ZBTB21: variants seen among roughly 807,000 people sequenced by gnomAD.
ZBTB21 encodes the protein zinc finger and BTB domain-containing protein 21.
ZBTB21 carries 10 observed loss-of-function variants against 39.8 expected under a neutral mutation model. That is an observed-to-expected ratio of 0.25 (90% CI 0.16 to 0.43). ZBTB21 has a LOEUF of 0.43. Among genes scored for constraint, ZBTB21 ranks in the 20% least tolerant of loss-of-function variants. ZBTB21 has a pLI of 1.00. For synonymous variants in ZBTB21, 551 were observed against 498.8 expected (o/e 1.10, Z -1.40); for missense variants, 1,221 against 1,296.3 (o/e 0.94, Z 0.89).
Position 41,991,559 on chromosome 21 carries a change from A to G in ZBTB21, c.2537T>C (p.Val846Ala), listed in dbSNP as rs1389372941. 3 of 1,614,230 alleles carry G rather than the reference A, an allele frequency of 1.9e-6. No individual in the cohort carries two copies. The highest frequency in any genetic ancestry group is 1.7e-6 in the Non-Finnish European group (2 of 1,180,044). ...AACTTGTTCTGAAGAATCACTGAAC[A>G]CGTTGTCGTCTTTTGTGGTGACGAT... ...NHIVTTKDDN[V>A]FSDSSEQVNF... is the part of the protein sequence containing the mutation. Residue 846 changes from valine (V) to alanine (A), a missense_variant, in exon 3 of 3, where the codon GTG becomes GCG. Around this residue, in one of 4 missense-constraint regions of ZBTB21, gnomAD observed 523 missense variants for 542.5 expected, o/e 0.96. Coordinates refer to ENST00000310826, the MANE Select transcript of ZBTB21 (RefSeq NM_001098402.2). This position sits in a 1 kb window ranked among gnomAD's most constrained non-coding sequence, Gnocchi z 4.9.
chr21:41,989,155 A>C lies in ZBTB21; in HGVS notation c.*1740T>G, dbSNP rs941493203. ...TCCATCAAATTTAAGAAAGAATAGG[A>C]AGTTAACTACTAAAATATTGTGGAA... On this transcript the variant is annotated 3_prime_UTR_variant, in exon 3 of 3. Coordinates refer to ENST00000310826, the MANE Select transcript of ZBTB21 (RefSeq NM_001098402.2). The C allele has an allele frequency of 1.3e-5, 2 of 152,164 alleles. No individual in the cohort carries two copies. Among genetic ancestry groups the C allele is most frequent in the Non-Finnish European group, 2.9e-5 (2 of 67,994 alleles). 9.4% of individuals were successfully genotyped at this position (152,164 alleles called of 1,614,324 possible). A position where few individuals can be genotyped will look rare whatever the true frequency, so the allele number is the denominator to read the frequency against.
chr21:41,992,323 C>T lies in ZBTB21; in HGVS notation c.1773G>A (p.Trp591Ter). 2 of 1,614,138 alleles carry T rather than the reference C, an allele frequency of 1.2e-6. No homozygotes were observed. Among genetic ancestry groups the T allele is most frequent in the African/African-American group, 2.7e-5 (2 of 75,022 alleles). Residue 591 changes from tryptophan (W) to a stop codon, truncating the protein, a stop_gained, in exon 3 of 3, where the codon TGG (tryptophan) becomes TGA (stop). Coordinates refer to ENST00000310826, the MANE Select transcript of ZBTB21 (RefSeq NM_001098402.2). LOFTEE classifies it high-confidence loss of function. This position sits in a 1 kb window ranked among gnomAD's most constrained non-coding sequence, Gnocchi z 4.1. ...HKRFHTNFKV[W>*]THCQTQHGIV... Reference sequence around the variant, plus strand: ...TGCCGTGTTGGGTCTGACAGTGTGTCCACACTTTGAAGTTGGTGTGAAACC... The same window carrying T: ...TGCCGTGTTGGGTCTGACAGTGTGTTCACACTTTGAAGTTGGTGTGAAACC...
chr21:42,002,867 CAGTTT>C (rs1159896762), intron 2 of ZBTB21, 25 bp downstream of exon 2: 1 of 152,166 alleles, frequency 6.6e-6, no homozygotes, highest in East Asian at 1.9e-4. Context: ...CCAGGAAAAC[CAGTTT>C]CTAAAATAGG....
intron 1 of ZBTB21, 100 bp downstream of exon 1, chr21:42,010,152 C>T (rs2065944412): frequency 5.1e-6 from 2 of 389,668 alleles, no homozygotes; most frequent in Non-Finnish European, 9.1e-6. Context: ...GAGAAATCAC[C>T]TCAGAGTTAC....
intron 2 of ZBTB21, among the ~76,000 whole-genome samples, chr21:41,996,381 G>C (rs778436152): frequency 7.9e-5 from 12 of 152,240 alleles, no homozygotes; most frequent in Non-Finnish European, 1.6e-4. Context: ...GGAGTCAAGG[G>C]AGATCATTTT....
rs879795986 is a variant in ZBTB21 at position 42,006,946 on chromosome 21, T to G, written c.-79+3306A>C. On this transcript the variant is annotated intron_variant, in intron 1 of 2. Coordinates refer to ENST00000310826, the MANE Select transcript of ZBTB21 (RefSeq NM_001098402.2). ...GCCAACCCTGCTGACACCTTGTTCT[T>G]GGACTTCTAGCTTTCAGAACTGTGG... 5.9e-5 allele frequency among the ~76,000 whole-genome samples: 9 copies of G among 152,210 alleles called. 1 individual carries two copies. The highest frequency in any genetic ancestry group is 5.2e-4 in the Admixed American group (8 of 15,286).
chr21:42,009,357 C>T (rs2065927048), intron 1 of ZBTB21: 1 of 152,274 alleles, frequency 6.6e-6, no homozygotes, highest in African/African-American at 2.4e-5. Context: ...TGAGGATGGA[C>T]TACGGGGCGT....
chr21:41,990,943 T>C lies in ZBTB21; in HGVS notation c.3153A>G (p.Thr1051=). 2 of 1,512,432 alleles carry C rather than the reference T, an allele frequency of 1.3e-6. No homozygotes were observed. The highest frequency in any genetic ancestry group is 1.4e-5 in the African/African-American group (1 of 71,700). The allele number at this position is 1,512,432 out of a possible 1,614,324, so 93.7% of individuals were successfully genotyped here. The change falls in exon 3 of 3, where the codon ACA becomes ACG. Residue 1051 remains threonine (T), a synonymous_variant. Transcript: ENST00000310826. ...TCCAAAGACTAAATGCAGTCTTGAA[T>C]GTCCTGTGGCAAAGTTTACACATAA... The part of the protein sequence containing the change: ...RQFMCKLCHR[T]FKTAFSLWSH...
At chr21:42,007,649 A>T (rs2065896155) in intron 1 of ZBTB21, among the ~76,000 whole-genome samples, 1 of 152,116 alleles carries the variant, frequency 6.6e-6, no homozygotes. Context: ...TAACACCACA[A>T]CTTCTTCAAT....
Position 41,991,793 on chromosome 21 carries a change from C to A in ZBTB21, c.2303G>T (p.Ser768Ile), listed in dbSNP as rs995504957. Residue 768 changes from serine to isoleucine, a missense_variant, in exon 3 of 3, where the codon AGC becomes ATC. Transcript: ENST00000310826. This position sits in a 1 kb window ranked among gnomAD's most constrained non-coding sequence, Gnocchi z 4.9. Reference protein sequence around the residue: ...FSPELKQEHESKCEYKKLTCL... With the variant: ...FSPELKQEHEIKCEYKKLTCL... The stretch of plus-strand genomic sequence containing the variant: ...GGTCAGCTTCTTATACTCACACTTG[C>A]TCTCGTGTTCTTGCTTCAGCTCGGG... 1.9e-6 allele frequency: 3 copies of A among 1,614,134 alleles called. No homozygotes were observed. The highest frequency in any genetic ancestry group is 1.3e-5 in the African/African-American group (1 of 74,946).
Position 41,986,967 on chromosome 21 carries a change from T to G in ZBTB21, c.*3928A>C, listed in dbSNP as rs1400348018. The G allele has an allele frequency of 1.3e-5, 2 of 152,634 alleles. No individual in the cohort carries two copies. Among genetic ancestry groups the G allele is most frequent in the Non-Finnish European group, 2.9e-5 (2 of 68,022 alleles). 9.5% of individuals were successfully genotyped at this position (152,634 alleles called of 1,614,324 possible). A position where few individuals can be genotyped will look rare whatever the true frequency, so the allele number is the denominator to read the frequency against. ...AGAAATCCTATTTTACCATGAATTTTCAGTTCGAAAAAGCTTATTCCTAAG... is the reference window on the plus strand; with the variant it reads ...AGAAATCCTATTTTACCATGAATTTGCAGTTCGAAAAAGCTTATTCCTAAG... On this transcript the variant is annotated 3_prime_UTR_variant, in exon 3 of 3. Transcript: ENST00000310826.
At chr21:41,996,458 T>C (rs1299985425) in intron 2 of ZBTB21, among the ~76,000 whole-genome samples, 3 of 152,226 alleles carry the variant, frequency 2.0e-5, no homozygotes, top group Admixed American at 2.0e-4. Context: ...GCCTCTGTTT[T>C]GGCCAATTTC....
chr21:41,991,560 C>T lies in ZBTB21; in HGVS notation c.2536G>A (p.Val846Met), dbSNP rs868401998. The T allele has an allele frequency of 2.5e-6, 4 of 1,614,206 alleles. No homozygotes were observed. The highest frequency in any genetic ancestry group is 3.3e-5 in the Admixed American group (2 of 60,038). The change falls in exon 3 of 3, where the codon GTG (valine) becomes ATG (methionine). Residue 846 changes from valine to methionine, a missense_variant. Physicochemically the swap from Val to Met is conservative, Grantham distance 21 (BLOSUM62 1). Transcript: ENST00000310826. The surrounding 1 kb of genome is among the most constrained non-coding windows in gnomAD (Gnocchi z 4.9). ...ACTTGTTCTGAAGAATCACTGAACA[C>T]GTTGTCGTCTTTTGTGGTGACGATG... is the stretch of plus-strand genomic sequence containing the variant. ...NHIVTTKDDN[V>M]FSDSSEQVNF...
At chr21:42,008,082 T>G (rs955061463) in intron 1 of ZBTB21, 1 of 152,310 alleles carries the variant, frequency 6.6e-6, no homozygotes, top group Admixed American at 6.5e-5. Flanking sequence ...CCGATTTACT[T>G]TGGTGTGTTG....
At chr21:41,998,137 C>A (rs189604503) in intron 2 of ZBTB21, among the ~76,000 whole-genome samples, 1 of 152,132 alleles carries the variant, frequency 6.6e-6, no homozygotes, top group East Asian at 1.9e-4. Flanking sequence ...ATGCCTGACT[C>A]TGTGTATTTG....
rs1411034565 is a variant in ZBTB21 at position 41,992,167 on chromosome 21, C to T, written c.1929G>A (p.Lys643=). The change falls in exon 3 of 3, where the codon AAG becomes AAA. Residue 643 remains lysine, a synonymous_variant. Coordinates refer to ENST00000310826, the MANE Select transcript of ZBTB21 (RefSeq NM_001098402.2). The surrounding 1 kb of genome is among the most constrained non-coding windows in gnomAD (Gnocchi z 4.1). Reference sequence around the variant, plus strand: ...AGCTACTCTGTCCCTGAAAACCAGGCTTGCCGCGCCTTAACTTAATGATCA... The same window carrying T: ...AGCTACTCTGTCCCTGAAAACCAGGTTTGCCGCGCCTTAACTTAATGATCA... ...KALIIKLRRG[K]PGFQGQSSSQ... 2 of 1,614,206 alleles carry T rather than the reference C, an allele frequency of 1.2e-6. No homozygotes were observed. Among genetic ancestry groups the T allele is most frequent in the East Asian group, 2.2e-5 (1 of 44,880 alleles).
Position 41,991,396 on chromosome 21 carries a change from C to T in ZBTB21, c.2700G>A (p.Ala900=), listed in dbSNP as rs757084607. The change falls in exon 3 of 3, where the codon GCG becomes GCA. Residue 900 remains alanine, a synonymous_variant. Coordinates refer to ENST00000310826, the MANE Select transcript of ZBTB21 (RefSeq NM_001098402.2). This position sits in a 1 kb window ranked among gnomAD's most constrained non-coding sequence, Gnocchi z 4.9. Reference sequence around the variant, plus strand: ...ACAGGCTGGCTTCTTTGCTAGGACCCGCTTCTTTGGGGGCTGTGCTGGCCT... The same window carrying T: ...ACAGGCTGGCTTCTTTGCTAGGACCTGCTTCTTTGGGGGCTGTGCTGGCCT... The part of the protein sequence containing the change: ...APEASTAPKE[A]GPSKEASLWP... 2.5e-6 allele frequency: 4 copies of T among 1,607,778 alleles called. No individual in the cohort carries two copies. Among genetic ancestry groups the T allele is most frequent in the Non-Finnish European group, 3.4e-6 (4 of 1,177,246 alleles).
chr21:41,992,083 A>G lies in ZBTB21; in HGVS notation c.2013T>C (p.Ile671=), dbSNP rs577295915. 3.7e-5 allele frequency: 59 copies of G among 1,614,090 alleles called. No individual in the cohort carries two copies. The highest frequency in any genetic ancestry group is 4.9e-5 in the Non-Finnish European group (58 of 1,180,044). The change falls in exon 3 of 3, where the codon ATT becomes ATC. Residue 671 remains isoleucine (I), a synonymous_variant. Transcript: ENST00000310826. This position sits in a 1 kb window ranked among gnomAD's most constrained non-coding sequence, Gnocchi z 4.1. ...GGTACGCTTTTCCGCAGTAAGTACA[A>G]ATGTAAGCTCCTTTGGCTCGAGATC... ...NLRSRAKGAY[I]CTYCGKAYRF...
chr21:42,008,449 C>A (rs1354613128), intron 1 of ZBTB21, among the ~76,000 whole-genome samples: 1 of 139,348 alleles, frequency 7.2e-6, no homozygotes, highest in East Asian at 2.2e-4. Flanking sequence ...ACCAGGGAGG[C>A]GGAGGTTGCA....
Sources: allele counts gnomAD v4.1 joint callset (sites outside exome capture counted in the v4.1 genomes callset), GRCh38; gene constraint gnomAD v4.1.1; regional missense constraint gnomAD v4.1.1; non-coding constraint Gnocchi (gnomAD v3.1); transcripts MANE v1.5; gene names NCBI Gene and HGNC (gene_info 2026-07-23, HGNC 2026-07-21).